Variants in PKD2L2 observed in about 807,000 individuals in gnomAD.
PKD2L2 encodes polycystin-2-like protein 2.
Under a neutral mutation model 83.9 loss-of-function variants are expected in PKD2L2, and 67 were observed. That is an observed-to-expected ratio of 0.80 (90% CI 0.66 to 0.98). PKD2L2 has a LOEUF of 0.98. PKD2L2 is among the 50% of genes least tolerant of loss of function. PKD2L2 has a pLI of 0.00. For missense variants in PKD2L2, 632 were observed against 717.2 expected, an observed-to-expected ratio of 0.88 and a Z score of 1.36; for synonymous variants, 223 against 237.8, an observed-to-expected ratio of 0.94 and a Z score of 0.57.
chr5:137,936,622 A>AT (rs1760442800), intron 14 of PKD2L2, among the ~76,000 whole-genome samples, 195 bp downstream of exon 14: 1 of 152,062 alleles, frequency 6.6e-6, no homozygotes, highest in East Asian at 1.9e-4. Context: ...TGCCCAGCTA[A>AT]TTTTTTGTAT....
chr5:137,908,224 C>T (rs1198651935), intron 7 of PKD2L2, among the ~76,000 whole-genome samples: 1 of 151,456 alleles, frequency 6.6e-6, no homozygotes, highest in South Asian at 2.1e-4. Flanking sequence ...TGGGAGGATC[C>T]CTTGAGCCCG....
At chr5:137,893,456 CA>C (rs1377318383) in intron 3 of PKD2L2, among the ~76,000 whole-genome samples, 2 of 152,154 alleles carry the variant, frequency 1.3e-5, no homozygotes, top group African/African-American at 4.8e-5. Flanking sequence ...TCCCAGGTCA[CA>C]AAACCTGGCA....
At chr5:137,939,762 T>A in intron 14 of PKD2L2, 2 of 808,832 alleles carry the variant, frequency 2.5e-6, no homozygotes, top group Non-Finnish European at 3.2e-6. Context: ...GTTGCGTATG[T>A]GCACTTTTAT....
At chr5:137,929,392 C>T (rs1415299088) in intron 12 of PKD2L2, among the ~76,000 whole-genome samples, 3 of 150,324 alleles carry the variant, frequency 2.0e-5, no homozygotes, top group East Asian at 2.0e-4. Context: ...ACCTGGGAGG[C>T]GGAGGTTGCG....
rs530232042 is a variant in PKD2L2, at chr5:137,920,502, T to TA, written c.1329-1132dup. On this transcript the variant is annotated intron_variant, in intron 8 of 14. Coordinates refer to ENST00000508883, the MANE Select transcript of PKD2L2 (RefSeq NM_001300921.2). The stretch of plus-strand genomic sequence containing the variant: ...GGCCGGGCACAGTGGCTCATGCTTG[T>TA]AATCCCAGCACTTTGGGAGGTTAAG... 3.5e-4 allele frequency among the ~76,000 whole-genome samples: 53 copies of TA among 152,246 alleles called. No individual in the cohort carries two copies. In the South Asian group the frequency reaches 0.011, roughly 32 times the overall value.
Position 137,935,927 on chromosome 5 carries a change from C to A in PKD2L2, c.1784+18C>A. Reference sequence around the variant, plus strand: ...TTTCGAGAGTAAGCTTATGTTCTAACCAGACTATTATGGGATATCATGACA... The same window carrying A: ...TTTCGAGAGTAAGCTTATGTTCTAAACAGACTATTATGGGATATCATGACA... On this transcript the variant is annotated intron_variant, in intron 13 of 14. Transcript: ENST00000508883. The A allele has an allele frequency of 2.3e-6, 3 of 1,305,000 alleles. No homozygotes were observed. The highest frequency in any genetic ancestry group is 1.2e-5 in the South Asian group (1 of 83,708). The allele number at this position is 1,305,000 out of a possible 1,614,324, so 80.8% of individuals were successfully genotyped here.
chr5:137,942,014 T>C (rs758267427), intron 14 of PKD2L2: 2 of 1,614,084 alleles, frequency 1.2e-6, no homozygotes, highest in East Asian at 4.5e-5. Flanking sequence ...TTTTCAGCTC[T>C]GGCTTTCCAA....
chr5:137,912,713 A>T (rs940961679), intron 8 of PKD2L2, among the ~76,000 whole-genome samples: 9 of 149,916 alleles, frequency 6.0e-5, no homozygotes, highest in African/African-American at 2.2e-4. Context: ...ATTTTTTCAT[A>T]TATCTATTGG....
intron 1 of PKD2L2, chr5:137,890,180 G>C (rs1036222452): frequency 9.3e-5 from 20 of 214,914 alleles, no homozygotes; most frequent in African/African-American, 4.4e-4. Flanking sequence ...CTACTCGGGA[G>C]GCTGAGGCAG....
In PKD2L2 at chr5:137,905,211, C is replaced by T. The variant is rs187287926; in HGVS notation, c.747-995C>T. On this transcript the variant is annotated intron_variant, in intron 5 of 14. Coordinates refer to ENST00000508883, the MANE Select transcript of PKD2L2 (RefSeq NM_001300921.2). ...CTTTTAAAATGTTATTTTTTAGAAA[C>T]TTCAGCAGACTTTGAAACTGTTAAC... 5.6e-4 allele frequency among the ~76,000 whole-genome samples: 86 copies of T among 152,298 alleles called. 1 individual carries two copies. In the South Asian group the frequency reaches 7.4e-3, roughly 13 times the overall value.
chr5:137,916,412 C>A (rs909122280), intron 8 of PKD2L2, among the ~76,000 whole-genome samples: 2 of 151,300 alleles, frequency 1.3e-5, no homozygotes, highest in Non-Finnish European at 2.9e-5. Context: ...CCATGCCCGG[C>A]CTCTCCCTCA....
In PKD2L2 at chr5:137,899,624, CA is replaced by C; in HGVS notation, c.638del (p.Asn213ThrfsTer8). On this transcript the variant is annotated frameshift_variant, in exon 5 of 15. Coordinates refer to ENST00000508883, the MANE Select transcript of PKD2L2 (RefSeq NM_001300921.2). LOFTEE classifies it high-confidence loss of function. ...FTLSKSKSET[K>X]NKFIDLRLNS... ...CTTTATCAAAATCGAAATCTGAAAC[CA>C]AAAACAAGTTCATTGACCTTCGACT... is the stretch of plus-strand genomic sequence containing the variant. The C allele has an allele frequency of 6.2e-7, 1 of 1,613,354 alleles. No homozygotes were observed. Among genetic ancestry groups the C allele is most frequent in the Non-Finnish European group, 8.5e-7 (1 of 1,179,364 alleles).
chr5:137,942,404 G>A lies in PKD2L2; in HGVS notation c.*38G>A, dbSNP rs556629697. On this transcript the variant is annotated 3_prime_UTR_variant, in exon 15 of 15. Coordinates refer to ENST00000508883, the MANE Select transcript of PKD2L2 (RefSeq NM_001300921.2). ...TTTAGAGACAGAGTCTCACTCTGTCGCCCAGGCTGGAACAGCGGTGCGACA... is the reference window on the plus strand; with the variant it reads ...TTTAGAGACAGAGTCTCACTCTGTCACCCAGGCTGGAACAGCGGTGCGACA... 2 of 230,078 alleles carry A rather than the reference G, an allele frequency of 8.7e-6. No homozygotes were observed. Among genetic ancestry groups the A allele is most frequent in the South Asian group, 9.1e-5 (1 of 11,042 alleles). 14.3% of individuals were successfully genotyped at this position (230,078 alleles called of 1,614,324 possible).
At chr5:137,890,972 A>G (rs1341694387) in intron 2 of PKD2L2, among the ~76,000 whole-genome samples, 1 of 152,228 alleles carries the variant, frequency 6.6e-6, no homozygotes, top group African/African-American at 2.4e-5. Flanking sequence ...ATGAGGCCAA[A>G]GTTCATCTTG....
intron 8 of PKD2L2, among the ~76,000 whole-genome samples, chr5:137,921,376 A>AAAG (rs35250571): frequency 6.7e-6 from 1 of 149,844 alleles, no homozygotes; most frequent in Non-Finnish European, 1.5e-5. Flanking sequence ...AAAAAAAAAA[A>AAAG]GTTATAGATG....
At chr5:137,941,800 G>A (rs1761933392) in intron 14 of PKD2L2, 1 of 653,510 alleles carries the variant, frequency 1.5e-6, no homozygotes, top group Admixed American at 2.7e-5. Context: ...CAGGGCCTCA[G>A]AGCATAAAGG....
At chr5:137,895,013 C>G (rs535189805) in intron 4 of PKD2L2, among the ~76,000 whole-genome samples, 17 of 152,302 alleles carry the variant, frequency 1.1e-4, no homozygotes, top group Admixed American at 1.0e-3. Flanking sequence ...CTCTCTCATT[C>G]TGGCTTCCTT....
chr5:137,894,745 T>A, intron 4 of PKD2L2, 136 bp downstream of exon 4: 1 of 658,232 alleles, frequency 1.5e-6, no homozygotes, highest in South Asian at 2.0e-5. Flanking sequence ...AAAAGGAAGA[T>A]GTGGAGATAG....
At chr5:137,910,315 T>A (rs971499812) in intron 8 of PKD2L2, among the ~76,000 whole-genome samples, 1 of 150,932 alleles carries the variant, frequency 6.6e-6, no homozygotes, top group Non-Finnish European at 1.5e-5. Context: ...ATGTAATAAT[T>A]TACAGAGCCT....
Sources: gnomAD v4.1 joint callset for allele counts (sites outside exome capture counted in the v4.1 genomes callset) on GRCh38, gnomAD v4.1.1 for gene constraint, MANE v1.5 for transcripts, NCBI Gene and HGNC (gene_info 2026-07-23, HGNC 2026-07-21) for gene names.